NEBL: variants seen among roughly 807,000 people sequenced by gnomAD.
NEBL encodes the protein LIM and SH3 protein 2.
A neutral mutation model predicts 140.2 loss-of-function variants in NEBL; 122 were observed. That is an observed-to-expected ratio of 0.87 (90% CI 0.75 to 1.01). The LOEUF (loss-of-function observed/expected upper bound fraction) is 1.01, where lower values mean the gene tolerates loss of function less well. Ranked by LOEUF, NEBL falls within the 50% of genes least tolerant of loss-of-function variation. The probability of loss-of-function intolerance (pLI) is 0.00; values close to 1 mark genes in which losing one functional copy is unlikely to be tolerated. For synonymous variants in NEBL, 436 were observed against 398.9 expected, an observed-to-expected ratio of 1.09 and a Z score of -1.11; for missense variants, 1,365 against 1,231.3, an observed-to-expected ratio of 1.11 and a Z score of -1.62.
chr10:21,209,336 T>A (rs1459014079), intron 3 of NEBL, among the ~76,000 whole-genome samples: 1 of 152,236 alleles, frequency 6.6e-6, no homozygotes, highest in Non-Finnish European at 1.5e-5. Context: ...GAATTTCAGA[T>A]AAACAACAAA....
intron 3 of NEBL, among the ~76,000 whole-genome samples, chr10:21,232,742 T>C (rs1446151635): frequency 1.3e-5 from 2 of 151,956 alleles, no homozygotes; most frequent in Non-Finnish European, 2.9e-5. Flanking sequence ...GGTTTGGGGG[T>C]TGGAGACCCC....
At chr10:20,975,339 T>C (rs1836745726) in intron 3 of NEBL, among the ~76,000 whole-genome samples, 1 of 152,094 alleles carries the variant, frequency 6.6e-6, no homozygotes, top group Admixed American at 6.5e-5. Flanking sequence ...TGGAATGTCA[T>C]TCTGCTTGGG....
chr10:21,183,686 A>G (rs866350786), intron 3 of NEBL, among the ~76,000 whole-genome samples: 5 of 152,334 alleles, frequency 3.3e-5, no homozygotes, highest in South Asian at 2.1e-4. Context: ...AAATGGCTTA[A>G]GCTCCTGGGA....
intron 2 of NEBL, among the ~76,000 whole-genome samples, chr10:21,146,924 T>C (rs1839918120): frequency 6.6e-6 from 1 of 152,162 alleles, no homozygotes; most frequent in African/African-American, 2.4e-5. Flanking sequence ...TTTTAGTCAA[T>C]GCAGAATTCT....
At chr10:20,858,430 G>T in intron 8 of NEBL, 86 bp from the exon 9 acceptor site, 1 of 1,150,092 alleles carries the variant, frequency 8.7e-7, no homozygotes, top group Non-Finnish European at 1.3e-6. Context: ...ACATCATAAA[G>T]TAGGACTATT....
intron 4 of NEBL, among the ~76,000 whole-genome samples, chr10:20,943,264 A>G (rs1305567562): frequency 6.6e-6 from 1 of 152,250 alleles, no homozygotes; most frequent in Non-Finnish European, 1.5e-5. Context: ...CAGCCATAAA[A>G]ATTGATGAGT....
chr10:20,862,830 C>A (rs1165448109), intron 7 of NEBL, among the ~76,000 whole-genome samples: 1 of 152,032 alleles, frequency 6.6e-6, no homozygotes, highest in Admixed American at 6.6e-5. Context: ...TACATTATGA[C>A]TAGTGTGCCT....
At chr10:21,079,399 G>A (rs942412389) in intron 2 of NEBL, among the ~76,000 whole-genome samples, 3 of 152,216 alleles carry the variant, frequency 2.0e-5, no homozygotes, top group Non-Finnish European at 4.4e-5. Flanking sequence ...AAACCTCCCA[G>A]CACACCTGTG....
At chr10:21,253,649 T>A (rs1476235924) in intron 1 of NEBL, among the ~76,000 whole-genome samples, 1 of 151,424 alleles carries the variant, frequency 6.6e-6, no homozygotes, top group Non-Finnish European at 1.5e-5. Flanking sequence ...GTTCAAGCGC[T>A]TCTCCTGCCT....
intron 2 of NEBL, chr10:21,172,297 G>A: frequency 9.8e-7 from 1 of 1,022,782 alleles, no homozygotes; most frequent in Middle Eastern, 2.1e-4. Context: ...GTGACACAGT[G>A]AGTCAGTTCT....
At chr10:21,286,620 CAGG>C (rs1843058264) in intron 1 of NEBL, among the ~76,000 whole-genome samples, 1 of 152,124 alleles carries the variant, frequency 6.6e-6, no homozygotes, top group African/African-American at 2.4e-5. Flanking sequence ...ATCACAAGGT[CAGG>C]AGATCGAGAC....
rs920007525 is a variant in NEBL, at chr10:21,113,487, A to G, written c.164+58896T>C. 3.6e-5 allele frequency: 11 copies of G among 309,242 alleles called. 1 individual carries two copies. In the Admixed American group the frequency reaches 4.0e-4, roughly 11 times the overall value. The allele number at this position is 309,242 out of a possible 1,614,324, so 19.2% of individuals were successfully genotyped here. ...AGGCTATTCAGATCTCTGGCAGTGGATGAAGTGTCTTCAAGAAAATAGTGT... is the reference window on the plus strand; with the variant it reads ...AGGCTATTCAGATCTCTGGCAGTGGGTGAAGTGTCTTCAAGAAAATAGTGT... On this transcript the variant is annotated intron_variant, in intron 2 of 6. Transcript: ENST00000417816.
rs560618022 is a variant in NEBL, at chr10:21,157,921, A to C, written c.164+14462T>G. 1.7e-3 allele frequency among the ~76,000 whole-genome samples: 264 copies of C among 152,314 alleles called. 1 individual carries two copies. Among genetic ancestry groups the C allele is most frequent in the Non-Finnish European group, 2.5e-3 (167 of 68,038 alleles). ...CATGAAGGGAAGTTGATGTGAAGAC[A>C]CAGGGAGAAGACGGCTAGCCATCTA... On this transcript the variant is annotated intron_variant, in intron 2 of 6. Coordinates refer to the NEBL transcript ENST00000417816.
At chr10:21,282,572 C>T (rs1309187869) in intron 1 of NEBL, among the ~76,000 whole-genome samples, 1 of 152,064 alleles carries the variant, frequency 6.6e-6, no homozygotes. Context: ...TCAGCTGGAG[C>T]CTGAGGAACA....
chr10:20,901,619 T>C (rs1247782136), upstream of NEBL, among the ~76,000 whole-genome samples: 1 of 151,612 alleles, frequency 6.6e-6, no homozygotes, highest in Non-Finnish European at 1.5e-5. Flanking sequence ...TTCTTTTAAC[T>C]TTAAAAATGA....
intron 3 of NEBL, among the ~76,000 whole-genome samples, chr10:20,966,164 T>C (rs1471240560): frequency 1.3e-5 from 2 of 152,270 alleles, no homozygotes; most frequent in African/African-American, 2.4e-5. Context: ...CTATATATTA[T>C]GGAAATTCTA....
intron 2 of NEBL, among the ~76,000 whole-genome samples, chr10:21,085,392 C>T (rs1047314254): frequency 1.6e-4 from 24 of 152,026 alleles, no homozygotes; most frequent in Non-Finnish European, 2.9e-5. Context: ...GAAGCCGAGG[C>T]GGAAGGACTG....
intron 3 of NEBL, among the ~76,000 whole-genome samples, chr10:21,235,230 C>A (rs573565223): frequency 6.6e-6 from 1 of 152,000 alleles, no homozygotes; most frequent in East Asian, 1.9e-4. Context: ...CAGGAGGTTG[C>A]GGCTGCAGTG....
At chr10:21,286,602 G>C (rs929040160) in intron 1 of NEBL, among the ~76,000 whole-genome samples, 9 of 152,214 alleles carry the variant, frequency 5.9e-5, no homozygotes, top group African/African-American at 1.9e-4. Context: ...GGAGGCCAAG[G>C]CGGGTGGATC....
Sources: allele counts gnomAD v4.1 joint callset (sites outside exome capture counted in the v4.1 genomes callset), GRCh38; gene constraint gnomAD v4.1.1; transcripts MANE v1.5; gene names NCBI Gene and HGNC (gene_info 2026-07-23, HGNC 2026-07-21).